The following ARHGAP26 variants were observed in gnomAD, a reference collection of about 807,000 sequenced individuals.
ARHGAP26 encodes Rho GTPase activating protein 26.
ARHGAP26 carries 38 observed loss-of-function variants against 104.8 expected under a neutral mutation model. The ratio of observed to expected loss-of-function variants is 0.36; its 90% CI spans 0.28 to 0.48. The LOEUF is 0.48. Among genes scored for constraint, ARHGAP26 ranks in the 20% least tolerant of loss-of-function variants. The pLI, the probability that ARHGAP26 is intolerant of heterozygous loss-of-function variation, is 0.99. For synonymous variants in ARHGAP26, 341 were observed against 340.0 expected, an observed-to-expected ratio of 1.00 and a Z score of -0.03; for missense variants, 704 against 947.9, an observed-to-expected ratio of 0.74 and a Z score of 3.38.
Position 142,894,438 on chromosome 5 carries a change from A to G in ARHGAP26, c.597+90A>G. 5 of 1,242,320 alleles carry G rather than the reference A, an allele frequency of 4.0e-6. No homozygotes were observed. In the South Asian group the frequency reaches 6.6e-5, roughly 16 times the overall value. The allele number at this position is 1,242,320 out of a possible 1,614,324, so 77.0% of individuals were successfully genotyped here. A position where few individuals can be genotyped will look rare whatever the true frequency, so the allele number is the denominator to read the frequency against. On this transcript the variant is annotated intron_variant, in intron 6 of 22. Transcript: ENST00000645722. ...GATTACAAAATGCTCTAAGTTGTTGATGAAGAGGTTGAGCAGCCCTGACAC... is the reference window on the plus strand; with the variant it reads ...GATTACAAAATGCTCTAAGTTGTTGGTGAAGAGGTTGAGCAGCCCTGACAC...
intron 1 of ARHGAP26, among the ~76,000 whole-genome samples, chr5:142,855,853 T>C (rs1752272392): frequency 6.6e-6 from 1 of 151,548 alleles, no homozygotes; most frequent in Non-Finnish European, 1.5e-5. Context: ...TGTCTACTTT[T>C]TACTTACTGT....
At chr5:143,151,201 AATAAAAACAACAGTGAG>A (rs1799799335) in intron 20 of ARHGAP26, among the ~76,000 whole-genome samples, 1 of 152,220 alleles carries the variant, frequency 6.6e-6, no homozygotes, top group African/African-American at 2.4e-5. Flanking sequence ...GGGAAATACA[AATAAAAACAACAGTGAG>A]ATACCACTAC....
chr5:143,217,744 A>C (rs1205192807), intron 22 of ARHGAP26, among the ~76,000 whole-genome samples: 2 of 152,194 alleles, frequency 1.3e-5, no homozygotes, highest in Admixed American at 1.3e-4. Flanking sequence ...GCCCAAGCCC[A>C]GGCCACCTTC....
At chr5:142,812,942 T>C (rs963541489) in intron 1 of ARHGAP26, among the ~76,000 whole-genome samples, 12 of 82,804 alleles carry the variant, frequency 1.4e-4, no homozygotes, top group African/African-American at 7.5e-4. Flanking sequence ...TTTTTCTTTC[T>C]TTTTTTTTTT....
chr5:143,102,987 G>C (rs1793470247), intron 17 of ARHGAP26, among the ~76,000 whole-genome samples: 1 of 152,038 alleles, frequency 6.6e-6, no homozygotes, highest in Non-Finnish European at 1.5e-5. Context: ...GGTGGAGTCT[G>C]CCCAGCTTCA....
chr5:142,911,389 T>C (rs1761820223), intron 9 of ARHGAP26, among the ~76,000 whole-genome samples: 1 of 152,184 alleles, frequency 6.6e-6, no homozygotes, highest in African/African-American at 2.4e-5. Context: ...CCAGGGCCTG[T>C]CCACCTGCTC....
intron 20 of ARHGAP26, among the ~76,000 whole-genome samples, chr5:143,156,336 G>C (rs189851149): frequency 6.6e-6 from 1 of 152,182 alleles, no homozygotes; most frequent in Non-Finnish European, 1.5e-5. Context: ...CTCTGCATTA[G>C]GGATCTGGAA....
intron 17 of ARHGAP26, among the ~76,000 whole-genome samples, chr5:143,072,545 A>G (rs246646): frequency 0.011 from 1,684 of 152,344 alleles, 12 homozygotes; most frequent in South Asian, 0.018. Context: ...TGGCATGTGT[A>G]TATACACAAT....
At chr5:143,188,550 A>G in intron 20 of ARHGAP26, among the ~76,000 whole-genome samples, 1 of 152,170 alleles carries the variant, frequency 6.6e-6, no homozygotes, top group East Asian at 1.9e-4. Flanking sequence ...GTAGAGTACC[A>G]TTTTGTCATG....
chr5:143,143,840 A>G (rs1263298177), intron 19 of ARHGAP26, among the ~76,000 whole-genome samples: 1 of 152,214 alleles, frequency 6.6e-6, no homozygotes, highest in African/African-American at 2.4e-5. Flanking sequence ...CCAAGTTCAC[A>G]TGCAGTTTGT....
At chr5:142,879,500 T>C (rs2152384267) in intron 4 of ARHGAP26, 55 bp downstream of exon 4, 1 of 1,450,904 alleles carries the variant, frequency 6.9e-7, no homozygotes, top group African/African-American at 1.4e-5. Context: ...CTGGAAAACA[T>C]AGCACCTTTC....
intron 10 of ARHGAP26, chr5:142,922,220 G>GGT (rs1005389379): frequency 4.6e-5 from 7 of 152,136 alleles, no homozygotes; most frequent in African/African-American, 1.7e-4. Context: ...CTTGCTAAGA[G>GGT]GTGTGTGTGT....
intron 1 of ARHGAP26, among the ~76,000 whole-genome samples, chr5:142,822,025 T>C (rs981693718): frequency 6.6e-6 from 1 of 152,194 alleles, no homozygotes. Context: ...TTAAACATAC[T>C]CCAATCCCCC....
At position 142,813,143 on chromosome 5, in the gene ARHGAP26, G is replaced by A. The variant is rs555343775; in HGVS notation, c.154+42228G>A. ...TTTTTAGTAGAGATGGGGTTTCACCGTGTTAACCAGGATGGTCTTGATCTC... is the reference window on the plus strand; with the variant it reads ...TTTTTAGTAGAGATGGGGTTTCACCATGTTAACCAGGATGGTCTTGATCTC... On this transcript the variant is annotated intron_variant, in intron 1 of 22. Coordinates refer to ENST00000645722, the MANE Select transcript of ARHGAP26 (RefSeq NM_001135608.3). Among the ~76,000 whole-genome samples the A allele has an allele frequency of 5.3e-5, 8 of 152,072 alleles. No homozygotes were observed. The South Asian group carries it at 1.0e-3, about 20-fold the overall frequency.
intron 19 of ARHGAP26, among the ~76,000 whole-genome samples, chr5:143,140,481 G>C (rs766462386): frequency 2.6e-5 from 4 of 152,194 alleles, no homozygotes; most frequent in African/African-American, 9.7e-5. Context: ...AAGTGAGCCA[G>C]TATATATAAA....
rs186895433 is a variant in ARHGAP26 at position 143,092,718 on chromosome 5, G to A, written c.1539-28270G>A. 5.9e-5 allele frequency among the ~76,000 whole-genome samples: 9 copies of A among 152,246 alleles called. No individual in the cohort carries two copies. In the East Asian group the frequency reaches 1.5e-3, roughly 26 times the overall value. On this transcript the variant is annotated intron_variant, in intron 17 of 22. Transcript: ENST00000645722. ...TTTGTTGAAAACCTTTTAAGTTTGG[G>A]ATTTCAATTATTCTTTGCTATTAAT... is the stretch of plus-strand genomic sequence containing the variant.
intron 1 of ARHGAP26, among the ~76,000 whole-genome samples, chr5:142,796,551 T>C (rs1761022206): frequency 6.6e-6 from 1 of 152,230 alleles, no homozygotes; most frequent in African/African-American, 2.4e-5. Context: ...AAAAAGTCTT[T>C]GGAGGCACCT....
chr5:142,946,651 G>A (rs906990349), intron 11 of ARHGAP26: 4 of 152,172 alleles, frequency 2.6e-5, no homozygotes, highest in Non-Finnish European at 4.4e-5. Context: ...GGACCTAGAG[G>A]CATTATGAGT....
chr5:143,202,080 T>G (rs559506114), intron 20 of ARHGAP26, among the ~76,000 whole-genome samples: 42 of 152,364 alleles, frequency 2.8e-4, no homozygotes, highest in African/African-American at 9.4e-4. Flanking sequence ...AGAACTTGCT[T>G]TATGAATCTG....
Sources: gnomAD v4.1 joint callset for allele counts (sites outside exome capture counted in the v4.1 genomes callset) on GRCh38, gnomAD v4.1.1 for gene constraint, MANE v1.5 for transcripts, NCBI Gene and HGNC (gene_info 2026-07-23, HGNC 2026-07-21) for gene names.